Variants in MEGF9 observed in about 807,000 individuals in gnomAD.
MEGF9 encodes multiple EGF like domains 9, also known as multiple epidermal growth factor-like domains protein 9.
In MEGF9, 6 loss-of-function variants were observed where a neutral mutation model predicts 46.8. That is an observed-to-expected ratio of 0.13 (90% confidence interval 0.07 to 0.25). The LOEUF (loss-of-function observed/expected upper bound fraction) is 0.25. Ranked by LOEUF, MEGF9 falls within the 10% of genes least tolerant of loss-of-function variation. The pLI is 1.00. For synonymous variants in MEGF9, 302 were observed against 330.7 expected (o/e 0.91, Z 0.94); for missense variants, 683 against 792.4 (o/e 0.86, Z 1.66).
At chr9:120,642,393 G>C (rs1206107539) in intron 2 of MEGF9, among the ~76,000 whole-genome samples, 2 of 152,200 alleles carry the variant, frequency 1.3e-5, no homozygotes, top group African/African-American at 4.8e-5. Context: ...GAAGAGACTT[G>C]GAGCCGGACA....
chr9:120,605,056 T>G lies in MEGF9; in HGVS notation c.*134A>C, dbSNP rs568179279. The G allele has an allele frequency of 1.2e-6, 1 of 837,390 alleles. No individual in the cohort carries two copies. The highest frequency in any genetic ancestry group is 1.7e-5 in the African/African-American group (1 of 58,750). The allele number at this position is 837,390 out of a possible 1,614,324, so 51.9% of individuals were successfully genotyped here. A position where few individuals can be genotyped will look rare whatever the true frequency, so the allele number is the denominator to read the frequency against. On this transcript the variant is annotated 3_prime_UTR_variant, in exon 6 of 6. Transcript: ENST00000373930. This position sits in a 1 kb window ranked among gnomAD's most constrained non-coding sequence, Gnocchi z 4.0. ...TAGATAGGCTAAGCGCATTACAAATTTGTACCTGAAAATTTCAGATGCACT... is the reference window on the plus strand; with the variant it reads ...TAGATAGGCTAAGCGCATTACAAATGTGTACCTGAAAATTTCAGATGCACT...
At chr9:120,632,939 C>A (rs2043557119) in intron 2 of MEGF9, among the ~76,000 whole-genome samples, 1 of 152,234 alleles carries the variant, frequency 6.6e-6, no homozygotes, top group Admixed American at 6.5e-5. Context: ...TAGTATAAAT[C>A]CCACTTGATC....
intron 1 of MEGF9, among the ~76,000 whole-genome samples, chr9:120,691,160 G>A (rs141197933): frequency 6.6e-6 from 1 of 151,942 alleles, no homozygotes; most frequent in Non-Finnish European, 1.5e-5. Context: ...AACAATGCCA[G>A]AAATAACAAC....
intron 3 of MEGF9, 105 bp from the exon 4 acceptor site, chr9:120,612,644 T>C: frequency 1.0e-6 from 1 of 989,474 alleles, no homozygotes; most frequent in Non-Finnish European, 1.5e-6. Flanking sequence ...AAAGAAAAAC[T>C]AATAGGGATT....
intron 2 of MEGF9, among the ~76,000 whole-genome samples, chr9:120,626,891 C>G (rs1009237067): frequency 6.6e-6 from 1 of 152,132 alleles, no homozygotes; most frequent in African/African-American, 2.4e-5. Context: ...CAGTGTCTGG[C>G]ACATACTCAG....
chr9:120,713,228 G>A (rs2132349369), intron 1 of MEGF9, among the ~76,000 whole-genome samples: 1 of 152,244 alleles, frequency 6.6e-6, no homozygotes, highest in African/African-American at 2.4e-5. Context: ...GCCCTCAAGT[G>A]GTCCATACTA....
intron 2 of MEGF9, among the ~76,000 whole-genome samples, chr9:120,655,528 T>C (rs1199018590): frequency 6.6e-6 from 1 of 152,198 alleles, no homozygotes; most frequent in African/African-American, 2.4e-5. Flanking sequence ...AGTAACGTAG[T>C]AATAATATTA....
rs2043415474 is a variant in MEGF9, at chr9:120,605,304, G to A, written c.1695C>T (p.Tyr565=). The part of the protein sequence containing the change: ...LKEDNISFSS[Y]HDSIPNADVS... ...CATCTGCATTGGGAATGCTGTCATG[G>A]TAGCTGCTGAAACTGATATTGTCTT... Residue 565 remains tyrosine, a synonymous_variant, in exon 6 of 6, where the codon TAC becomes TAT. Coordinates refer to ENST00000373930, the MANE Select transcript of MEGF9 (RefSeq NM_001080497.3). This position sits in a 1 kb window ranked among gnomAD's most constrained non-coding sequence, Gnocchi z 4.0. 1 of 1,613,978 alleles carries A rather than the reference G, an allele frequency of 6.2e-7. No individual in the cohort carries two copies. Among genetic ancestry groups the A allele is most frequent in the Non-Finnish European group, 8.5e-7 (1 of 1,179,894 alleles).
At chr9:120,681,626 T>C (rs1446593601) in intron 1 of MEGF9, among the ~76,000 whole-genome samples, 2 of 152,160 alleles carry the variant, frequency 1.3e-5, no homozygotes, top group Non-Finnish European at 2.9e-5. Context: ...ATTTAGTATG[T>C]GTAATACTAA....
rs2043859488 is a variant in MEGF9, at chr9:120,693,296, AAG to A, written c.601+20460_601+20461del. Among the ~76,000 whole-genome samples, 18 of 83,082 alleles carry A rather than the reference AAG, an allele frequency of 2.2e-4. No individual in the cohort carries two copies. In the South Asian group the frequency reaches 4.7e-3, roughly 22 times the overall value. 54.5% of individuals were successfully genotyped at this position (83,082 alleles called of 152,430 possible). A position where few individuals can be genotyped will look rare whatever the true frequency, so the allele number is the denominator to read the frequency against. ...TAACCAAAAAAAAAAAAAAAAAAAG[AAG>A]AAGAAGAAGAAGAAGAAAAAGGAAA... On this transcript the variant is annotated intron_variant, in intron 1 of 5. Transcript: ENST00000373930.
chr9:120,615,069 A>T (rs1418066796), intron 3 of MEGF9, among the ~76,000 whole-genome samples: 2 of 151,604 alleles, frequency 1.3e-5, no homozygotes, highest in Non-Finnish European at 2.9e-5. Context: ...GTGAAACCCT[A>T]TCTCTATTAA....
chr9:120,614,226 T>C (rs544074772), intron 3 of MEGF9, among the ~76,000 whole-genome samples: 52 of 152,306 alleles, frequency 3.4e-4, no homozygotes, highest in African/African-American at 1.2e-3. Flanking sequence ...TTTCACTACG[T>C]TGGCCAGGCC....
chr9:120,618,349 GAAGT>G (rs2043481369), intron 3 of MEGF9, among the ~76,000 whole-genome samples: 1 of 152,184 alleles, frequency 6.6e-6, no homozygotes, highest in Non-Finnish European at 1.5e-5. Context: ...ATGATACTCT[GAAGT>G]AAGTATCATT....
intron 3 of MEGF9, among the ~76,000 whole-genome samples, chr9:120,615,252 A>C (rs928868447): frequency 1.3e-5 from 2 of 149,554 alleles, no homozygotes; most frequent in Admixed American, 1.3e-4. Context: ...AAATAATAAT[A>C]ATAAATAAAT....
chr9:120,632,331 TAA>T (rs1156551196), intron 2 of MEGF9, among the ~76,000 whole-genome samples: 1 of 117,642 alleles, frequency 8.5e-6, no homozygotes, highest in Non-Finnish European at 1.7e-5. Flanking sequence ...AATTTATTCC[TAA>T]GTGTTTTTTT....
At position 120,602,680 on chromosome 9, in the gene MEGF9, A is replaced by G. The variant is rs558232529; in HGVS notation, c.*2510T>C. The G allele has an allele frequency of 1.3e-5, 2 of 152,142 alleles. No homozygotes were observed. Among genetic ancestry groups the G allele is most frequent in the Non-Finnish European group, 2.9e-5 (2 of 68,028 alleles). The allele number at this position is 152,142 out of a possible 1,614,324, so 9.4% of individuals were successfully genotyped here. On this transcript the variant is annotated 3_prime_UTR_variant, in exon 6 of 6. Coordinates refer to ENST00000373930, the MANE Select transcript of MEGF9 (RefSeq NM_001080497.3). ...ATGGTCAAAATCCTCTTAGACTCCAACAAACCTCCTTTCTCTCTATTGGTT... is the reference window on the plus strand; with the variant it reads ...ATGGTCAAAATCCTCTTAGACTCCAGCAAACCTCCTTTCTCTCTATTGGTT...
intron 1 of MEGF9, among the ~76,000 whole-genome samples, chr9:120,701,951 G>A (rs1352143913): frequency 6.6e-6 from 1 of 152,070 alleles, no homozygotes; most frequent in Non-Finnish European, 1.5e-5. Flanking sequence ...GCTGAGGCAG[G>A]CGAATAGCGT....
intron 1 of MEGF9, among the ~76,000 whole-genome samples, chr9:120,678,111 A>C (rs1350139244): frequency 6.6e-6 from 1 of 152,174 alleles, no homozygotes; most frequent in Non-Finnish European, 1.5e-5. Flanking sequence ...TGTTGTTGCA[A>C]ATGACAGGAT....
rs1464971377 is a variant in MEGF9 at position 120,604,185 on chromosome 9, T to C, written c.*1005A>G. On this transcript the variant is annotated 3_prime_UTR_variant, in exon 6 of 6. Transcript: ENST00000373930. ...TAGTAAGTCAAAGAGCATATAACTC[T>C]ACTTTTAGACTGAGAAAGGAAAGAA... The C allele has an allele frequency of 6.6e-6, 1 of 152,606 alleles. No homozygotes were observed. The highest frequency in any genetic ancestry group is 1.5e-5 in the Non-Finnish European group (1 of 68,030). The allele number at this position is 152,606 out of a possible 1,614,324, so 9.5% of individuals were successfully genotyped here. A position where few individuals can be genotyped will look rare whatever the true frequency, so the allele number is the denominator to read the frequency against.
Sources: allele counts gnomAD v4.1 joint callset (sites outside exome capture counted in the v4.1 genomes callset), GRCh38; gene constraint gnomAD v4.1.1; non-coding constraint Gnocchi (gnomAD v3.1); transcripts MANE v1.5; gene names NCBI Gene and HGNC (gene_info 2026-07-23, HGNC 2026-07-21).